FSTL4: variants seen among roughly 807,000 people sequenced by gnomAD.
FSTL4 encodes the protein follistatin like 4.
In FSTL4, 28 loss-of-function variants were observed where a neutral mutation model predicts 78.2. That is an observed-to-expected ratio of 0.36 (90% CI 0.27 to 0.49). FSTL4 has a LOEUF of 0.49. Among genes scored for constraint, FSTL4 ranks in the 20% least tolerant of loss-of-function variants. FSTL4 has a pLI of 0.98. For missense variants in FSTL4, 922 were observed against 1,084.9 expected, an observed-to-expected ratio of 0.85 and a Z score of 2.11; for synonymous variants, 422 against 440.5, an observed-to-expected ratio of 0.96 and a Z score of 0.53.
At chr5:133,816,640 G>T in the FSTL4 span, among the ~76,000 whole-genome samples, 2 of 152,186 alleles carry the variant, frequency 1.3e-5, no homozygotes, top group African/African-American at 4.8e-5. Context: ...TGGCCATTGA[G>T]TAACAGATAA....
intron 3 of FSTL4, among the ~76,000 whole-genome samples, chr5:133,477,985 G>A (rs911859565): frequency 6.6e-6 from 1 of 152,150 alleles, no homozygotes; most frequent in Non-Finnish European, 1.5e-5. Context: ...TGACATCTGA[G>A]GGAGACGCCA....
intron 4 of FSTL4, among the ~76,000 whole-genome samples, chr5:133,395,918 G>A (rs958910273): frequency 6.6e-6 from 1 of 152,178 alleles, no homozygotes; most frequent in African/African-American, 2.4e-5. Context: ...CCAGACTGGG[G>A]ATCAGAGATA....
intron 4 of FSTL4, among the ~76,000 whole-genome samples, chr5:133,356,559 T>C (rs1374854840): frequency 6.6e-6 from 1 of 152,200 alleles, no homozygotes; most frequent in Non-Finnish European, 1.5e-5. Flanking sequence ...TCAGGAAACC[T>C]CTCAGCTTTC....
the FSTL4 span, among the ~76,000 whole-genome samples, chr5:133,629,884 AAT>A: frequency 8.5e-5 from 13 of 152,382 alleles, no homozygotes; most frequent in African/African-American, 3.1e-4. Context: ...GAACAGAACC[AAT>A]GACAAAAACC....
intron 7 of FSTL4, among the ~76,000 whole-genome samples, chr5:133,237,637 C>A (rs559459624): frequency 5.9e-5 from 9 of 152,270 alleles, no homozygotes; most frequent in Non-Finnish European, 1.0e-4. Flanking sequence ...AATTACAGAA[C>A]AAAGCGCATA....
chr5:133,321,682 G>T (rs1172541356), intron 4 of FSTL4, among the ~76,000 whole-genome samples: 2 of 152,260 alleles, frequency 1.3e-5, no homozygotes, highest in Non-Finnish European at 2.9e-5. Context: ...GGAGCCCTGA[G>T]CTGGGGCCCG....
At chr5:133,703,515 C>T in the FSTL4 span, among the ~76,000 whole-genome samples, 2 of 152,192 alleles carry the variant, frequency 1.3e-5, no homozygotes, top group Admixed American at 6.5e-5. Flanking sequence ...GCCCAACTGA[C>T]GGTTCTTTGC....
At chr5:133,400,043 C>A (rs1033684539) in intron 4 of FSTL4, among the ~76,000 whole-genome samples, 15 of 152,238 alleles carry the variant, frequency 9.9e-5, no homozygotes, top group African/African-American at 2.4e-5. Flanking sequence ...GTGCAGGGCA[C>A]AGTGCTAGGT....
chr5:133,555,378 G>T (rs897736609), intron 3 of FSTL4, among the ~76,000 whole-genome samples: 1 of 152,130 alleles, frequency 6.6e-6, no homozygotes, highest in Admixed American at 6.5e-5. Context: ...AGAACTGGAC[G>T]CTATAATCTC....
At chr5:133,650,930 T>C in the FSTL4 span, among the ~76,000 whole-genome samples, 1 of 152,264 alleles carries the variant, frequency 6.6e-6, no homozygotes, top group South Asian at 2.1e-4. Flanking sequence ...ATCAGAATTT[T>C]GTAGTTTTCC....
chr5:133,291,918 C>T (rs1013372035), intron 6 of FSTL4, among the ~76,000 whole-genome samples: 2 of 152,202 alleles, frequency 1.3e-5, no homozygotes, highest in Non-Finnish European at 2.9e-5. Flanking sequence ...ATGTTTTAAT[C>T]AGCAAGCCCT....
chr5:133,321,585 C>T (rs1401341019), intron 4 of FSTL4, among the ~76,000 whole-genome samples: 1 of 152,210 alleles, frequency 6.6e-6, no homozygotes, highest in African/African-American at 2.4e-5. Context: ...GTGGCTCACG[C>T]CTATAATCCT....
At chr5:133,339,766 C>T (rs1329837197) in intron 4 of FSTL4, among the ~76,000 whole-genome samples, 1 of 152,162 alleles carries the variant, frequency 6.6e-6, no homozygotes, top group Non-Finnish European at 1.5e-5. Context: ...CTGGAACTTT[C>T]CTCCAGTGAA....
At chr5:133,353,438 G>A (rs182807532) in intron 4 of FSTL4, among the ~76,000 whole-genome samples, 5 of 152,318 alleles carry the variant, frequency 3.3e-5, no homozygotes, top group Admixed American at 2.0e-4. Context: ...AGGGGCGTGC[G>A]AGGGGTCCCT....
At chr5:133,548,198 T>G (rs1759620963) in intron 3 of FSTL4, among the ~76,000 whole-genome samples, 2 of 152,214 alleles carry the variant, frequency 1.3e-5, no homozygotes, top group Admixed American at 1.3e-4. Context: ...CTCTATGAAT[T>G]ATCAAACCTA....
chr5:133,482,701 T>C (rs1580737482), intron 3 of FSTL4, among the ~76,000 whole-genome samples: 1 of 152,000 alleles, frequency 6.6e-6, no homozygotes, highest in South Asian at 2.1e-4. Context: ...GGTGTGCAGG[T>C]AAGGAGAAGG....
chr5:133,483,982 C>T (rs1758080732), intron 3 of FSTL4, among the ~76,000 whole-genome samples: 1 of 152,224 alleles, frequency 6.6e-6, no homozygotes, highest in South Asian at 2.1e-4. Flanking sequence ...GGACTCTTCT[C>T]TCCCTACCCC....
At chr5:133,639,022 G>C in the FSTL4 span, among the ~76,000 whole-genome samples, 1 of 151,826 alleles carries the variant, frequency 6.6e-6, no homozygotes, top group African/African-American at 2.4e-5. Context: ...GTGTAGGTTT[G>C]TTACATTGGT....
intron 6 of FSTL4, among the ~76,000 whole-genome samples, chr5:133,304,153 CA>C (rs947574201): frequency 3.3e-5 from 5 of 152,216 alleles, no homozygotes; most frequent in Non-Finnish European, 7.3e-5. Flanking sequence ...GAAGTCCTCA[CA>C]AAAGCTTTGC....
Sources: allele counts gnomAD v4.1 joint callset (sites outside exome capture counted in the v4.1 genomes callset), GRCh38; gene constraint gnomAD v4.1.1; transcripts MANE v1.5; gene names NCBI Gene and HGNC (gene_info 2026-07-23, HGNC 2026-07-21).